The following PARD3B variants were observed in gnomAD, a reference collection of about 807,000 sequenced individuals.
The protein encoded by PARD3B is partitioning defective 3 homolog B.
Under a neutral mutation model 130.2 loss-of-function variants are expected in PARD3B, and 103 were observed. The ratio of observed to expected loss-of-function variants is 0.79; its 90% confidence interval spans 0.67 to 0.93. The LOEUF (loss-of-function observed/expected upper bound fraction) is 0.93. PARD3B is among the 40% of genes least tolerant of loss of function. PARD3B has a pLI of 0.00. For missense variants in PARD3B, 1,609 were observed against 1,499.2 expected (o/e 1.07, Z -1.21); for synonymous variants, 583 against 553.2 (o/e 1.05, Z -0.76).
chr2:205,272,104 G>A (rs1263242134), intron 16 of PARD3B, among the ~76,000 whole-genome samples: 3 of 151,228 alleles, frequency 2.0e-5, no homozygotes, highest in Non-Finnish European at 4.4e-5. Context: ...TTTCCAGTGA[G>A]CTGAGATCAC....
intron 2 of PARD3B, among the ~76,000 whole-genome samples, chr2:204,798,371 A>G (rs936745775): frequency 6.6e-6 from 1 of 152,192 alleles, no homozygotes; most frequent in African/African-American, 2.4e-5. Flanking sequence ...TGGCTGGTGG[A>G]GAATGGTCCA....
Position 205,091,494 on chromosome 2 carries a change from T to C in PARD3B, c.505-12932T>C. Among the ~76,000 whole-genome samples, 1 of 152,190 alleles carries C rather than the reference T, an allele frequency of 6.6e-6. No individual in the cohort carries two copies. Among genetic ancestry groups the C allele is most frequent in the South Asian group, 2.1e-4 (1 of 4,820 alleles). On this transcript the variant is annotated intron_variant, in intron 4 of 22. Transcript: ENST00000406610. The surrounding 1 kb of genome is among the most constrained non-coding windows in gnomAD (Gnocchi z 4.2). ...CACATTCACTCAGGCTTGTTGTTGTTGTTTCTAGCAACCACCACCTCTCCT... is the reference window on the plus strand; with the variant it reads ...CACATTCACTCAGGCTTGTTGTTGTCGTTTCTAGCAACCACCACCTCTCCT...
intron 21 of PARD3B, among the ~76,000 whole-genome samples, chr2:205,513,775 C>T (rs1374608931): frequency 6.6e-6 from 1 of 151,968 alleles, no homozygotes; most frequent in Non-Finnish European, 1.5e-5. Flanking sequence ...TTCATGTCTG[C>T]TGGGAAAGGC....
intron 18 of PARD3B, among the ~76,000 whole-genome samples, chr2:205,396,568 T>G (rs79765048): frequency 0.028 from 4,264 of 152,260 alleles, 190 homozygotes; most frequent in African/African-American, 0.098. Context: ...TGAAAGGTGA[T>G]TTTTCCACTT....
At chr2:204,608,522 T>A (rs1238837338) in intron 1 of PARD3B, among the ~76,000 whole-genome samples, 1 of 152,174 alleles carries the variant, frequency 6.6e-6, no homozygotes, top group African/African-American at 2.4e-5. Context: ...TCTTATTTTC[T>A]CAGTGCTATG....
intron 15 of PARD3B, among the ~76,000 whole-genome samples, chr2:205,228,440 G>T (rs1233593397): frequency 6.6e-6 from 1 of 151,890 alleles, no homozygotes; most frequent in Non-Finnish European, 1.5e-5. Context: ...CTCTCTCATG[G>T]CCTGTAGGGT....
At chr2:205,442,183 A>C (rs574937493) in intron 20 of PARD3B, among the ~76,000 whole-genome samples, 2 of 152,254 alleles carry the variant, frequency 1.3e-5, no homozygotes, top group South Asian at 4.1e-4. Flanking sequence ...TTCCAATACT[A>C]ATTCCATGGA....
chr2:205,049,497 A>G (rs1699035724), intron 4 of PARD3B, among the ~76,000 whole-genome samples: 2 of 152,146 alleles, frequency 1.3e-5, no homozygotes, highest in African/African-American at 2.4e-5. Flanking sequence ...TTGGTTTACA[A>G]TTCAAGATGT....
intron 1 of PARD3B, among the ~76,000 whole-genome samples, chr2:204,569,942 G>A (rs1458315585): frequency 6.6e-6 from 1 of 152,080 alleles, no homozygotes; most frequent in Non-Finnish European, 1.5e-5. Flanking sequence ...CTGAACGTTT[G>A]CCATCCTGTC....
At chr2:204,773,365 A>T (rs982783199) in intron 2 of PARD3B, among the ~76,000 whole-genome samples, 2 of 151,896 alleles carry the variant, frequency 1.3e-5, no homozygotes, top group East Asian at 1.9e-4. Flanking sequence ...TTGTTTTTGC[A>T]ATATATATTT....
At chr2:205,608,633 G>A (rs1250732098) in intron 22 of PARD3B, among the ~76,000 whole-genome samples, 1 of 152,038 alleles carries the variant, frequency 6.6e-6, no homozygotes, top group Non-Finnish European at 1.5e-5. Flanking sequence ...CCTCATAAAG[G>A]AAATTATTTT....
At chr2:204,697,116 A>C (rs990800476) in intron 2 of PARD3B, among the ~76,000 whole-genome samples, 1 of 152,138 alleles carries the variant, frequency 6.6e-6, no homozygotes, top group African/African-American at 2.4e-5. Context: ...CATAGTTCTT[A>C]ATTGATAACA....
At chr2:204,600,358 A>T (rs2033459534) in intron 1 of PARD3B, among the ~76,000 whole-genome samples, 1 of 151,616 alleles carries the variant, frequency 6.6e-6, no homozygotes, top group Non-Finnish European at 1.5e-5. Flanking sequence ...GTATAGAGAG[A>T]TGGGAGTCTG....
intron 2 of PARD3B, among the ~76,000 whole-genome samples, chr2:204,717,305 A>G (rs182256576): frequency 6.6e-6 from 1 of 152,322 alleles, no homozygotes; most frequent in East Asian, 1.9e-4. Context: ...AAGTCCAAGA[A>G]TATGCTTTTA....
At chr2:205,404,600 A>G (rs1223012872) in intron 19 of PARD3B, among the ~76,000 whole-genome samples, 2 of 152,160 alleles carry the variant, frequency 1.3e-5, no homozygotes, top group African/African-American at 2.4e-5. Context: ...CTAATATTCT[A>G]TGAGATCAAT....
rs895773820 is a variant in PARD3B at position 205,291,882 on chromosome 2, C to T, written c.2186-8648C>T. Among the ~76,000 whole-genome samples, 1 of 152,208 alleles carries T rather than the reference C, an allele frequency of 6.6e-6. No homozygotes were observed. Among genetic ancestry groups the T allele is most frequent in the African/African-American group, 2.4e-5 (1 of 41,450 alleles). On this transcript the variant is annotated intron_variant, in intron 16 of 22. Coordinates refer to ENST00000406610, the MANE Select transcript of PARD3B (RefSeq NM_001302769.2). This position sits in a 1 kb window ranked among gnomAD's most constrained non-coding sequence, Gnocchi z 4.6. Reference sequence around the variant, plus strand: ...CAGCCATCTCAGCAGAAGCCAGGAGCTATTCTCCAGGACAATGGAAGAATG... The same window carrying T: ...CAGCCATCTCAGCAGAAGCCAGGAGTTATTCTCCAGGACAATGGAAGAATG...
intron 4 of PARD3B, among the ~76,000 whole-genome samples, chr2:205,055,705 A>G (rs905078764): frequency 1.1e-4 from 16 of 152,120 alleles, no homozygotes; most frequent in African/African-American, 3.4e-4. Context: ...AAGATTCCAG[A>G]TGTGAATTAT....
At chr2:204,919,577 C>T (rs2047585268) in intron 2 of PARD3B, among the ~76,000 whole-genome samples, 1 of 152,150 alleles carries the variant, frequency 6.6e-6, no homozygotes, top group Non-Finnish European at 1.5e-5. Context: ...TTGTAGTTAG[C>T]TCCTTTCTAA....
rs142031037 is a variant in PARD3B at position 205,152,813 on chromosome 2, C to T, written c.1435-5909C>T. 6.3e-3 allele frequency among the ~76,000 whole-genome samples: 965 copies of T among 152,232 alleles called. 6 individuals carry two copies. Among genetic ancestry groups the T allele is most frequent in the Non-Finnish European group, 8.1e-3 (550 of 68,000 alleles). ...TTGTTCTCTTGCTGGTGAGGAGCTG[C>T]GATCCTTTGGAGGAGAAGAGGTGCT... On this transcript the variant is annotated intron_variant, in intron 10 of 22. Coordinates refer to ENST00000406610, the MANE Select transcript of PARD3B (RefSeq NM_001302769.2).
Sources: gnomAD v4.1 joint callset for allele counts (sites outside exome capture counted in the v4.1 genomes callset) on GRCh38, gnomAD v4.1.1 for gene constraint, Gnocchi (gnomAD v3.1) non-coding constraint, MANE v1.5 for transcripts, NCBI Gene and HGNC (gene_info 2026-07-23, HGNC 2026-07-21) for gene names.